The following LAMB4 variants were observed in gnomAD, a reference collection of about 807,000 sequenced individuals.
The protein encoded by LAMB4 is laminin subunit beta 4.
A neutral mutation model predicts 199.2 loss-of-function variants in LAMB4; 196 were observed. The ratio of observed to expected loss-of-function variants is 0.98; its 90% CI spans 0.88 to 1.11. The LOEUF (loss-of-function observed/expected upper bound fraction) is 1.11. Ranked by LOEUF, LAMB4 falls within the 50% of genes least tolerant of loss-of-function variation. The pLI is 0.00. For synonymous variants in LAMB4, 744 were observed against 770.6 expected (o/e 0.97, Z 0.57); for missense variants, 2,080 against 2,171.2 (o/e 0.96, Z 0.83).
chr7:108,079,428 C>T (rs962769180), intron 15 of LAMB4, among the ~76,000 whole-genome samples, 173 bp downstream of exon 15: 7 of 152,208 alleles, frequency 4.6e-5, no homozygotes, highest in Non-Finnish European at 1.0e-4. Context: ...GCATATGGCT[C>T]ACTGCGCTGC....
chr7:108,033,525 C>CA (rs1024065147), intron 31 of LAMB4, among the ~76,000 whole-genome samples: 4 of 152,258 alleles, frequency 2.6e-5, no homozygotes, highest in South Asian at 2.1e-4. Context: ...TCTGTTGCCT[C>CA]AGCCTTCCAA....
intron 21 of LAMB4, among the ~76,000 whole-genome samples, chr7:108,064,912 A>G (rs62468025): frequency 8.6e-6 from 1 of 116,678 alleles, no homozygotes; most frequent in African/African-American, 3.5e-5. Flanking sequence ...TTTTTTTTTA[A>G]TTTAGAGACA....
intron 24 of LAMB4, among the ~76,000 whole-genome samples, chr7:108,056,655 T>C (rs953444157): frequency 6.6e-6 from 1 of 152,126 alleles, no homozygotes; most frequent in Non-Finnish European, 1.5e-5. Flanking sequence ...TTGGACCAAC[T>C]GCAAGGAACA....
chr7:108,059,197 C>G (rs2036082281), intron 23 of LAMB4, among the ~76,000 whole-genome samples: 1 of 150,792 alleles, frequency 6.6e-6, no homozygotes, highest in African/African-American at 2.5e-5. Context: ...GCTCCACCTC[C>G]CGGGTTCACA....
chr7:108,077,181 G>T, intron 16 of LAMB4, 117 bp from the exon 17 acceptor site: 1 of 1,019,330 alleles, frequency 9.8e-7, no homozygotes, highest in Non-Finnish European at 1.5e-6. Context: ...CCACTGTGGG[G>T]CTGAGGCCAG....
intron 14 of LAMB4, among the ~76,000 whole-genome samples, chr7:108,082,681 G>A (rs758822757): frequency 6.6e-6 from 1 of 152,174 alleles, no homozygotes; most frequent in Non-Finnish European, 1.5e-5. Flanking sequence ...GTTGGCACTG[G>A]TTCTTTGACC....
intron 33 of LAMB4, among the ~76,000 whole-genome samples, chr7:108,026,019 G>A (rs1368777575): frequency 1.3e-5 from 2 of 152,142 alleles, no homozygotes; most frequent in East Asian, 1.9e-4. Flanking sequence ...AGTTCAGCAC[G>A]GAGGTGTATG....
At chr7:108,071,187 CT>C (rs535159411) in intron 17 of LAMB4, among the ~76,000 whole-genome samples, 185 of 152,138 alleles carry the variant, frequency 1.2e-3, no homozygotes, top group Non-Finnish European at 2.3e-3. Context: ...GCCACTGCCC[CT>C]GTCTCTGCCC....
intron 10 of LAMB4, among the ~76,000 whole-genome samples, chr7:108,101,126 G>A (rs991950303): frequency 4.6e-5 from 7 of 152,244 alleles, no homozygotes; most frequent in Admixed American, 6.5e-5. Flanking sequence ...CCCCACTTTA[G>A]CATTATATGG....
intron 10 of LAMB4, 105 bp downstream of exon 10, chr7:108,102,939 A>C: frequency 3.4e-6 from 3 of 883,950 alleles, no homozygotes; most frequent in Non-Finnish European, 5.0e-6. Flanking sequence ...AAAATAGGGT[A>C]GTTTGGAGAT....
chr7:108,077,090 A>C lies in LAMB4; in HGVS notation c.2004-26T>G. The C allele has an allele frequency of 1.9e-6, 3 of 1,610,030 alleles. No individual in the cohort carries two copies. In the South Asian group the frequency reaches 3.3e-5, roughly 18 times the overall value. On this transcript the variant is annotated intron_variant, in intron 16 of 33. Coordinates refer to ENST00000388781, the MANE Select transcript of LAMB4 (RefSeq NM_007356.3). ...CTGTATTAAGAAAGATAAAGCAAAA[A>C]TTCAGACCACAGAAATACAATTATA...
Position 108,047,948 on chromosome 7 carries a change from A to G in LAMB4, c.4286T>C (p.Ile1429Thr), listed in dbSNP as rs1305716962. ...ACGAACCTGTTTGTCCAAATTACGAATAATGGATTTTGCTTCCTGGGCTTT... is the reference window on the plus strand; with the variant it reads ...ACGAACCTGTTTGTCCAAATTACGAGTAATGGATTTTGCTTCCTGGGCTTT... ...LQKAQEAKSI[I>T]RNLDKQVRGL... Residue 1429 changes from isoleucine to threonine, a missense_variant, in exon 28 of 34, where the codon ATT becomes ACT. By Grantham distance (89) the Ile-to-Thr change is moderately conservative (BLOSUM62 -1). Transcript: ENST00000388781. The G allele has an allele frequency of 2.5e-6, 4 of 1,614,066 alleles. No homozygotes were observed. Among genetic ancestry groups the G allele is most frequent in the African/African-American group, 1.3e-5 (1 of 74,928 alleles).
chr7:108,122,038 C>A (rs759405106), intron 2 of LAMB4, among the ~76,000 whole-genome samples: 1 of 152,086 alleles, frequency 6.6e-6, no homozygotes, highest in Non-Finnish European at 1.5e-5. Context: ...TAGAAATGTA[C>A]GATTGATTGC....
At chr7:108,106,119 A>G (rs921779981) in intron 7 of LAMB4, 88 bp from the exon 8 acceptor site, 9 of 1,047,098 alleles carry the variant, frequency 8.6e-6, no homozygotes, top group African/African-American at 1.6e-5. Context: ...TTAATATACT[A>G]TAGAAAAGAG....
At chr7:108,027,629 G>A (rs2034882773) in intron 33 of LAMB4, among the ~76,000 whole-genome samples, 1 of 152,146 alleles carries the variant, frequency 6.6e-6, no homozygotes, top group South Asian at 2.1e-4. Context: ...AGTTTTAGAA[G>A]ATAATAAATA....
rs1318408198 is a variant in LAMB4 at position 108,049,481 on chromosome 7, T to G, written c.3967A>C (p.Lys1323Gln). 6.2e-7 allele frequency: 1 copy of G among 1,606,602 alleles called. No homozygotes were observed. The highest frequency in any genetic ancestry group is 1.3e-5 in the African/African-American group (1 of 74,808). Residue 1323 changes from lysine (K) to glutamine (Q), a missense_variant, in exon 27 of 34, where the codon AAG (lysine) becomes CAG (glutamine). Coordinates refer to ENST00000388781, the MANE Select transcript of LAMB4 (RefSeq NM_007356.3). ...KYYHISSSAE[K>Q]KINETSSTIN... The stretch of plus-strand genomic sequence containing the variant: ...GTGGAACTAGTTTCATTAATTTTCT[T>G]TTCAGCAGATGATGATATGTGATAA...
chr7:108,015,222 G>A, the LAMB4 span, among the ~76,000 whole-genome samples: 1 of 152,148 alleles, frequency 6.6e-6, no homozygotes, highest in African/African-American at 2.4e-5. Flanking sequence ...ACAATGCAGT[G>A]TGTCTAACAC....
At chr7:108,052,719 T>G (rs2035863974) in intron 25 of LAMB4, among the ~76,000 whole-genome samples, 1 of 152,206 alleles carries the variant, frequency 6.6e-6, no homozygotes, top group Admixed American at 6.5e-5. Flanking sequence ...TTAGTGTAAC[T>G]TCTGTTCAGG....
the LAMB4 span, among the ~76,000 whole-genome samples, chr7:108,017,428 G>A: frequency 1.3e-5 from 2 of 152,172 alleles, no homozygotes; most frequent in East Asian, 3.8e-4. Context: ...TGGAGGGCAG[G>A]AAAGGTGAAA....
Sources: allele counts gnomAD v4.1 joint callset (sites outside exome capture counted in the v4.1 genomes callset), GRCh38; gene constraint gnomAD v4.1.1; transcripts MANE v1.5; gene names NCBI Gene and HGNC (gene_info 2026-07-23, HGNC 2026-07-21).